The following RUNX2 variants were observed in gnomAD, a reference collection of about 807,000 sequenced individuals.
RUNX2 encodes runt-related transcription factor 2.
Under a neutral mutation model 51.7 loss-of-function variants are expected in RUNX2, and 10 were observed. That is an observed-to-expected ratio of 0.19 (90% CI 0.12 to 0.33). The LOEUF (loss-of-function observed/expected upper bound fraction) is 0.33. Among genes scored for constraint, RUNX2 ranks in the 10% least tolerant of loss-of-function variants. The pLI, the probability that RUNX2 is intolerant of heterozygous loss-of-function variation, is 1.00. For missense variants in RUNX2, 562 were observed against 691.3 expected, an observed-to-expected ratio of 0.81 and a Z score of 2.10; for synonymous variants, 276 against 273.6, an observed-to-expected ratio of 1.01 and a Z score of -0.09.
intron 5 of RUNX2, among the ~76,000 whole-genome samples, chr6:45,484,471 A>G (rs1800209416): frequency 6.6e-6 from 1 of 152,208 alleles, no homozygotes; most frequent in Admixed American, 6.5e-5. Context: ...AGTCATCTGA[A>G]CGTAAACAGA....
At chr6:45,487,931 C>T (rs1378893786) in intron 5 of RUNX2, among the ~76,000 whole-genome samples, 2 of 152,026 alleles carry the variant, frequency 1.3e-5, no homozygotes, top group African/African-American at 4.8e-5. Context: ...AGGGTGGGAA[C>T]CTATTTTGGT....
chr6:45,467,106 C>T (rs1799656118), intron 5 of RUNX2, among the ~76,000 whole-genome samples: 1 of 152,112 alleles, frequency 6.6e-6, no homozygotes, highest in African/African-American at 2.4e-5. Flanking sequence ...AGCCATGGTC[C>T]ATGCCTTACT....
chr6:45,469,747 A>G (rs2790093), intron 5 of RUNX2, among the ~76,000 whole-genome samples: 39,341 of 152,176 alleles, frequency 0.26, 5,913 homozygotes, highest in Non-Finnish European at 0.34. Flanking sequence ...CTTCTAACAC[A>G]TAGAGTCTAA....
chr6:45,435,528 T>C (rs1798657667), intron 4 of RUNX2, among the ~76,000 whole-genome samples: 1 of 152,108 alleles, frequency 6.6e-6, no homozygotes, highest in South Asian at 2.1e-4. Flanking sequence ...CAGCTAATTT[T>C]TATATTTTTA....
intron 3 of RUNX2, among the ~76,000 whole-genome samples, chr6:45,428,022 C>T (rs746044712): frequency 6.6e-6 from 1 of 152,032 alleles, no homozygotes; most frequent in Non-Finnish European, 1.5e-5. Flanking sequence ...CATGGAGTTT[C>T]TTGAATTTGT....
chr6:45,414,689 T>G (rs959295726), intron 2 of RUNX2, among the ~76,000 whole-genome samples: 3 of 151,004 alleles, frequency 2.0e-5, no homozygotes, highest in African/African-American at 7.3e-5. Flanking sequence ...CTTTCTTTCC[T>G]TGGTGGTAGT....
chr6:45,391,061 A>G (rs1464865905), intron 2 of RUNX2, among the ~76,000 whole-genome samples: 1 of 152,252 alleles, frequency 6.6e-6, no homozygotes, highest in Non-Finnish European at 1.5e-5. Flanking sequence ...AGAGAAGCTT[A>G]TAGTCTAACC....
At chr6:45,390,446 A>G (rs1408139438) in intron 2 of RUNX2, among the ~76,000 whole-genome samples, 1 of 152,204 alleles carries the variant, frequency 6.6e-6, no homozygotes, top group Non-Finnish European at 1.5e-5. Flanking sequence ...GTGCTTTTTC[A>G]CCTCATAAAA....
intron 2 of RUNX2, among the ~76,000 whole-genome samples, chr6:45,412,997 C>T (rs1206476026): frequency 1.3e-5 from 2 of 152,174 alleles, no homozygotes; most frequent in African/African-American, 2.4e-5. Flanking sequence ...GTGATCAGCC[C>T]ACCTTGGCCT....
intron 5 of RUNX2, among the ~76,000 whole-genome samples, chr6:45,442,181 G>A (rs376369298): frequency 2.0e-5 from 3 of 152,128 alleles, no homozygotes; most frequent in Admixed American, 1.3e-4. Context: ...CTTAAGTAGC[G>A]TAAACATGAA....
At position 45,550,002 on chromosome 6, in the gene RUNX2, CTT is replaced by C. The variant is rs398001404; in HGVS notation, c.*2711_*2712del. Reference sequence around the variant, plus strand: ...ATTAAAATTTTGTTTTTCTTTCTTTCTTTTTTTTTTTTTTTCACTGAACCCTT... The same window carrying C: ...ATTAAAATTTTGTTTTTCTTTCTTTCTTTTTTTTTTTTTCACTGAACCCTT... On this transcript the variant is annotated 3_prime_UTR_variant, in exon 9 of 9. Coordinates refer to ENST00000647337, the MANE Select transcript of RUNX2 (RefSeq NM_001024630.4). The C allele has an allele frequency of 1.5e-3, 207 of 141,388 alleles. No homozygotes were observed. Among genetic ancestry groups the C allele is most frequent in the Non-Finnish European group, 1.6e-3 (102 of 64,932 alleles). The allele number at this position is 141,388 out of a possible 1,614,324, so 8.8% of individuals were successfully genotyped here. A position where few individuals can be genotyped will look rare whatever the true frequency, so the allele number is the denominator to read the frequency against.
chr6:45,409,516 A>G (rs1359527890), intron 2 of RUNX2, among the ~76,000 whole-genome samples: 2 of 152,182 alleles, frequency 1.3e-5, no homozygotes, highest in Admixed American at 1.3e-4. Context: ...TCTAGGGTAG[A>G]TACTTAGGTA....
intron 2 of RUNX2, among the ~76,000 whole-genome samples, chr6:45,346,326 AT>A (rs1790851409): frequency 6.6e-6 from 1 of 152,124 alleles, no homozygotes; most frequent in Admixed American, 6.5e-5. Context: ...AATAAAATAG[AT>A]TTTTAAAGGA....
intron 2 of RUNX2, among the ~76,000 whole-genome samples, chr6:45,377,617 A>G (rs985643395): frequency 6.6e-6 from 1 of 151,980 alleles, no homozygotes. Context: ...GGCGTAGACC[A>G]CGAAGACCCA....
At chr6:45,363,980 T>C (rs1794706910) in intron 2 of RUNX2, among the ~76,000 whole-genome samples, 1 of 152,024 alleles carries the variant, frequency 6.6e-6, no homozygotes, top group Non-Finnish European at 1.5e-5. Context: ...CCGGGTGTGG[T>C]GGCATACCTC....
chr6:45,339,503 C>T (rs1789315945), intron 2 of RUNX2, among the ~76,000 whole-genome samples: 1 of 152,046 alleles, frequency 6.6e-6, no homozygotes, highest in South Asian at 2.1e-4. Flanking sequence ...TCCTTTCTTT[C>T]CTTCCTTTTC....
At chr6:45,388,797 C>A (rs773770758) in intron 2 of RUNX2, among the ~76,000 whole-genome samples, 2 of 151,822 alleles carry the variant, frequency 1.3e-5, no homozygotes, top group Non-Finnish European at 2.9e-5. Context: ...CAAGAGATTT[C>A]TTTCTTCCAA....
chr6:45,393,661 C>T (rs1292272304), intron 2 of RUNX2, among the ~76,000 whole-genome samples: 5 of 151,966 alleles, frequency 3.3e-5, no homozygotes, highest in Admixed American at 3.3e-4. Flanking sequence ...ATCTCCTGAC[C>T]TCGTGATCTA....
intron 7 of RUNX2, among the ~76,000 whole-genome samples, chr6:45,513,272 C>T (rs993190961): frequency 4.6e-5 from 7 of 152,082 alleles, no homozygotes; most frequent in African/African-American, 1.7e-4. Context: ...AAACATTGTC[C>T]CCACTCAATG....
Sources: allele counts gnomAD v4.1 joint callset (sites outside exome capture counted in the v4.1 genomes callset), GRCh38; gene constraint gnomAD v4.1.1; transcripts MANE v1.5; gene names NCBI Gene and HGNC (gene_info 2026-07-23, HGNC 2026-07-21).